LYN: variants seen among roughly 807,000 people sequenced by gnomAD.
LYN encodes the protein LYN proto-oncogene, Src family tyrosine kinase, also known as tyrosine-protein kinase Lyn.
Under a neutral mutation model 65.0 loss-of-function variants are expected in LYN, and 12 were observed. The observed-to-expected ratio is 0.18, with a 90% CI of 0.12 to 0.30. The LOEUF (loss-of-function observed/expected upper bound fraction) is 0.30, where lower values mean the gene tolerates loss of function less well. Among genes scored for constraint, LYN ranks in the 10% least tolerant of loss-of-function variants. LYN has a pLI of 1.00. For missense variants in LYN, 380 were observed against 623.2 expected, an observed-to-expected ratio of 0.61 and a Z score of 4.16; for synonymous variants, 222 against 221.2, an observed-to-expected ratio of 1.00 and a Z score of -0.03.
intron 1 of LYN, among the ~76,000 whole-genome samples, chr8:55,898,426 C>A (rs1160891391): frequency 6.6e-6 from 1 of 152,084 alleles, no homozygotes; most frequent in Non-Finnish European, 1.5e-5. Context: ...GTAGCTGAGA[C>A]CACAGGCACG....
chr8:55,972,156 T>A (rs1807625256), intron 10 of LYN, among the ~76,000 whole-genome samples: 1 of 152,226 alleles, frequency 6.6e-6, no homozygotes. Context: ...CTGGCTCAAG[T>A]GCATGAACTG....
intron 1 of LYN, among the ~76,000 whole-genome samples, chr8:55,886,021 A>G (rs1585560509): frequency 6.6e-6 from 1 of 152,132 alleles, no homozygotes; most frequent in African/African-American, 2.4e-5. Flanking sequence ...TGCGAAGCCC[A>G]CCCTGGCCAT....
chr8:56,008,417 A>G (rs899236891), intron 12 of LYN, among the ~76,000 whole-genome samples: 1 of 152,240 alleles, frequency 6.6e-6, no homozygotes, highest in Non-Finnish European at 1.5e-5. Context: ...CCCCTCTCAT[A>G]TGCCAGATAT....
At chr8:56,004,966 G>A (rs1808633992) in intron 12 of LYN, among the ~76,000 whole-genome samples, 1 of 152,038 alleles carries the variant, frequency 6.6e-6, no homozygotes, top group African/African-American at 2.4e-5. Context: ...TAAATTTTTT[G>A]TAGAGACAGG....
chr8:55,905,420 A>T (rs1224086701), intron 1 of LYN, among the ~76,000 whole-genome samples: 2 of 3,832 alleles, frequency 5.2e-4, no homozygotes, highest in African/African-American at 9.9e-4. Context: ...AAAAAAAAAG[A>T]AAGAAAGAAA....
At chr8:55,969,588 A>G (rs1039861634) in intron 9 of LYN, 129 bp from the exon 10 acceptor site, 1 of 742,322 alleles carries the variant, frequency 1.3e-6, no homozygotes, top group African/African-American at 1.7e-5. Context: ...GCTTTATATA[A>G]CCATACAGAA....
intron 4 of LYN, among the ~76,000 whole-genome samples, chr8:55,948,565 G>A (rs187249750): frequency 6.6e-6 from 1 of 152,312 alleles, no homozygotes; most frequent in East Asian, 1.9e-4. Flanking sequence ...ATGCAGGACA[G>A]TGCTCAGAAT....
At chr8:55,959,138 AT>A (rs922110680) in intron 8 of LYN, among the ~76,000 whole-genome samples, 8 of 151,668 alleles carry the variant, frequency 5.3e-5, no homozygotes, top group Non-Finnish European at 8.8e-5. Flanking sequence ...TGTTTTGGGG[AT>A]TTTTTTTGTT....
At chr8:55,966,469 G>A (rs1243589982) in intron 8 of LYN, among the ~76,000 whole-genome samples, 3 of 151,986 alleles carry the variant, frequency 2.0e-5, no homozygotes, top group Non-Finnish European at 4.4e-5. Flanking sequence ...CTGGGTTCAA[G>A]CAATTCTCCT....
chr8:55,896,763 G>A (rs1373475072), intron 1 of LYN, among the ~76,000 whole-genome samples: 1 of 152,154 alleles, frequency 6.6e-6, no homozygotes, highest in Non-Finnish European at 1.5e-5. Context: ...TTTAGAGACA[G>A]AGCCTCGCTC....
chr8:55,944,123 A>G (rs887945068), intron 2 of LYN, among the ~76,000 whole-genome samples: 9 of 152,304 alleles, frequency 5.9e-5, no homozygotes, highest in Non-Finnish European at 8.8e-5. Flanking sequence ...TGGATATATC[A>G]TGCTATTAAG....
At chr8:55,936,755 G>A (rs1335204602) in intron 1 of LYN, among the ~76,000 whole-genome samples, 1 of 152,124 alleles carries the variant, frequency 6.6e-6, no homozygotes, top group African/African-American at 2.4e-5. Flanking sequence ...ATTCCAAATA[G>A]CCGGAAGAGC....
chr8:55,999,584 AT>A, intron 12 of LYN, 35 bp downstream of exon 12: 2 of 1,605,068 alleles, frequency 1.2e-6, no homozygotes, highest in African/African-American at 2.7e-5. Context: ...ATCAAGCTGT[AT>A]AAATGAGAAA....
At chr8:55,911,114 T>TAC (rs1563506247) in intron 1 of LYN, among the ~76,000 whole-genome samples, 1 of 5,012 alleles carries the variant, frequency 2.0e-4, no homozygotes, top group Non-Finnish European at 3.9e-4. Context: ...CACGTATATA[T>TAC]ACGTATATAT....
chr8:55,931,621 T>C (rs4737421), intron 1 of LYN, among the ~76,000 whole-genome samples: 1 of 152,056 alleles, frequency 6.6e-6, no homozygotes, highest in Non-Finnish European at 1.5e-5. Context: ...CAAAATGATA[T>C]CATGCTATAT....
At chr8:55,910,504 G>C (rs1172462746) in intron 1 of LYN, among the ~76,000 whole-genome samples, 3 of 152,076 alleles carry the variant, frequency 2.0e-5, no homozygotes, top group Non-Finnish European at 2.9e-5. Flanking sequence ...CCATTGATCT[G>C]TGTATCTATT....
At chr8:55,915,352 T>A (rs1020428872) in intron 1 of LYN, among the ~76,000 whole-genome samples, 2 of 152,246 alleles carry the variant, frequency 1.3e-5, no homozygotes, top group African/African-American at 4.8e-5. Flanking sequence ...TATTAAACTC[T>A]TTAAAAAAAT....
chr8:55,912,108 G>C (rs1443903077), intron 1 of LYN, among the ~76,000 whole-genome samples: 2 of 152,186 alleles, frequency 1.3e-5, no homozygotes, highest in African/African-American at 4.8e-5. Context: ...CTACCTTAGA[G>C]ATAATCATTT....
At chr8:55,989,751 C>T (rs1314809306) in intron 10 of LYN, among the ~76,000 whole-genome samples, 2 of 152,198 alleles carry the variant, frequency 1.3e-5, no homozygotes, top group Non-Finnish European at 2.9e-5. Flanking sequence ...TGGCTCATGA[C>T]ACAGCCACCA....
Sources: gnomAD v4.1 joint callset for allele counts (sites outside exome capture counted in the v4.1 genomes callset) on GRCh38, gnomAD v4.1.1 for gene constraint, MANE v1.5 for transcripts, NCBI Gene and HGNC (gene_info 2026-07-23, HGNC 2026-07-21) for gene names.